The following DLG2 variants were observed in gnomAD, a reference collection of about 807,000 sequenced individuals.
The protein encoded by DLG2 is discs large MAGUK scaffold protein 2, also known as disks large homolog 2.
DLG2 carries 45 observed loss-of-function variants against 132.5 expected under a neutral mutation model. The ratio of observed to expected loss-of-function variants is 0.34; its 90% CI spans 0.27 to 0.44. The LOEUF (loss-of-function observed/expected upper bound fraction) is 0.44, where lower values mean the gene tolerates loss of function less well. Among genes scored for constraint, DLG2 ranks in the 20% least tolerant of loss-of-function variants. The probability of loss-of-function intolerance (pLI) is 1.00; values close to 1 mark genes in which losing one functional copy is unlikely to be tolerated. For missense variants in DLG2, 1,045 were observed against 1,196.9 expected, an observed-to-expected ratio of 0.87 and a Z score of 1.87; for synonymous variants, 424 against 419.6, an observed-to-expected ratio of 1.01 and a Z score of -0.13.
intron 6 of DLG2, among the ~76,000 whole-genome samples, chr11:84,656,115 C>T (rs143549390): frequency 2.5e-3 from 388 of 152,290 alleles, no homozygotes; most frequent in Middle Eastern, 0.01. Context: ...CACAAAACCT[C>T]TGCATGGAAA....
intron 7 of DLG2, among the ~76,000 whole-genome samples, chr11:84,306,883 C>T (rs1298023594): frequency 6.6e-6 from 1 of 152,150 alleles, no homozygotes; most frequent in Non-Finnish European, 1.5e-5. Flanking sequence ...AATGTTTATA[C>T]ACTTCAGTGA....
intron 22 of DLG2, among the ~76,000 whole-genome samples, chr11:83,474,720 A>G (rs1029397595): frequency 3.9e-5 from 6 of 152,134 alleles, no homozygotes; most frequent in Admixed American, 1.3e-4. Flanking sequence ...AAACAGGATG[A>G]GTGATGAGGC....
At chr11:85,367,391 T>G (rs994396040) in intron 3 of DLG2, among the ~76,000 whole-genome samples, 1 of 152,168 alleles carries the variant, frequency 6.6e-6, no homozygotes, top group Non-Finnish European at 1.5e-5. Flanking sequence ...ATAATGATAT[T>G]AGCATCTGTG....
At chr11:84,628,677 G>C (rs771838359) in intron 6 of DLG2, among the ~76,000 whole-genome samples, 1 of 152,152 alleles carries the variant, frequency 6.6e-6, no homozygotes, top group Non-Finnish European at 1.5e-5. Flanking sequence ...ATTTTGAAGA[G>C]CCTCTCTACT....
chr11:84,125,995 G>A (rs554509492), intron 9 of DLG2, among the ~76,000 whole-genome samples: 445 of 152,144 alleles, frequency 2.9e-3, no homozygotes, highest in South Asian at 0.013. Flanking sequence ...TTAATAAAGA[G>A]GATAAAATCA....
chr11:84,659,048 T>C (rs1180300730), intron 6 of DLG2, among the ~76,000 whole-genome samples: 1 of 152,164 alleles, frequency 6.6e-6, no homozygotes. Flanking sequence ...ATTTCTGTGG[T>C]TTATAAGCCA....
intron 6 of DLG2, among the ~76,000 whole-genome samples, chr11:84,757,305 A>G (rs1043792243): frequency 2.6e-5 from 4 of 152,310 alleles, no homozygotes; most frequent in South Asian, 4.1e-4. Context: ...TTAAAAAAAA[A>G]AAGGATTTTA....
At chr11:83,883,239 G>T (rs537954547) in intron 15 of DLG2, among the ~76,000 whole-genome samples, 1 of 151,918 alleles carries the variant, frequency 6.6e-6, no homozygotes, top group Non-Finnish European at 1.5e-5. Context: ...AATTTTCAAC[G>T]TCTGGCCACA....
intron 6 of DLG2, among the ~76,000 whole-genome samples, chr11:84,722,485 A>G (rs2061944636): frequency 6.6e-6 from 1 of 152,112 alleles, no homozygotes; most frequent in Non-Finnish European, 1.5e-5. Context: ...CCCCACCCAT[A>G]TCCAAAATAC....
At position 85,018,180 on chromosome 11, in the gene DLG2, A is replaced by G. The variant is rs969334853; in HGVS notation, c.357+93481T>C. Among the ~76,000 whole-genome samples, 26 of 152,296 alleles carry G rather than the reference A, an allele frequency of 1.7e-4. 4 individuals carry two copies. Among genetic ancestry groups the G allele is most frequent in the African/African-American group, 6.3e-4 (26 of 41,566 alleles). ...CATATTCTTGAATATAAACTACCACATTAATGAGCAAAAGTATAACAAAAT... is the reference window on the plus strand; with the variant it reads ...CATATTCTTGAATATAAACTACCACGTTAATGAGCAAAAGTATAACAAAAT... On this transcript the variant is annotated intron_variant, in intron 6 of 27. Coordinates refer to ENST00000376104, the MANE Select transcript of DLG2 (RefSeq NM_001142699.3).
At chr11:84,441,624 C>T (rs1814502213) in intron 7 of DLG2, among the ~76,000 whole-genome samples, 1 of 152,020 alleles carries the variant, frequency 6.6e-6, no homozygotes, top group Non-Finnish European at 1.5e-5. Context: ...ATCTACATAA[C>T]ATATTCTCAT....
At chr11:85,542,271 C>T (rs2076019030) in intron 3 of DLG2, among the ~76,000 whole-genome samples, 1 of 152,162 alleles carries the variant, frequency 6.6e-6, no homozygotes, top group Non-Finnish European at 1.5e-5. Flanking sequence ...AGAAATGGGG[C>T]ACCACCTTCA....
chr11:85,421,140 C>A (rs149009683), intron 3 of DLG2, among the ~76,000 whole-genome samples: 1 of 152,100 alleles, frequency 6.6e-6, no homozygotes, highest in Non-Finnish European at 1.5e-5. Flanking sequence ...GTGAAGACCA[C>A]GGGAAAAGCA....
rs185526699 is a variant in DLG2, at chr11:83,999,543, G to C, written c.920-18901C>G. Among the ~76,000 whole-genome samples, 369 of 152,132 alleles carry C rather than the reference G, an allele frequency of 2.4e-3. 3 individuals carry two copies. Among genetic ancestry groups the C allele is most frequent in the African/African-American group, 8.5e-3 (353 of 41,506 alleles). ...CTACTGACACTGAATAAGTCAACTGGAGGCCCAAGAATTGGCCCACCTAGA... is the reference window on the plus strand; with the variant it reads ...CTACTGACACTGAATAAGTCAACTGCAGGCCCAAGAATTGGCCCACCTAGA... On this transcript the variant is annotated intron_variant, in intron 11 of 27. Transcript: ENST00000376104.
chr11:84,567,123 C>A (rs2099459731), intron 6 of DLG2, among the ~76,000 whole-genome samples: 1 of 152,010 alleles, frequency 6.6e-6, no homozygotes, highest in Non-Finnish European at 1.5e-5. Flanking sequence ...GAAAGTCTTG[C>A]TATGGGGTAT....
chr11:84,555,592 A>G (rs909773265), intron 6 of DLG2, among the ~76,000 whole-genome samples: 1 of 152,228 alleles, frequency 6.6e-6, no homozygotes, highest in African/African-American at 2.4e-5. Context: ...GATTCCATTT[A>G]TATGAAGTGC....
At chr11:84,182,620 T>C (rs2096166813) in intron 8 of DLG2, among the ~76,000 whole-genome samples, 1 of 152,130 alleles carries the variant, frequency 6.6e-6, no homozygotes, top group East Asian at 1.9e-4. Flanking sequence ...AGAGGGAAAT[T>C]CATAGCATCG....
At chr11:83,869,596 C>G (rs1221200718) in intron 16 of DLG2, among the ~76,000 whole-genome samples, 1 of 152,196 alleles carries the variant, frequency 6.6e-6, no homozygotes, top group Admixed American at 6.5e-5. Flanking sequence ...AACCAGTTAA[C>G]TTGAAAGGAT....
At chr11:84,760,835 C>T (rs867504066) in intron 6 of DLG2, among the ~76,000 whole-genome samples, 10 of 152,002 alleles carry the variant, frequency 6.6e-5, no homozygotes, top group South Asian at 4.1e-4. Flanking sequence ...ACTGGGCCGG[C>T]GACAGTCAGG....
Sources: gnomAD v4.1 joint callset for allele counts (sites outside exome capture counted in the v4.1 genomes callset) on GRCh38, gnomAD v4.1.1 for gene constraint, MANE v1.5 for transcripts, NCBI Gene and HGNC (gene_info 2026-07-23, HGNC 2026-07-21) for gene names.